The following ZNF285 variants were observed in gnomAD, a reference collection of about 807,000 sequenced individuals.
ZNF285 encodes zinc finger protein 285A.
ZNF285 carries 4 observed loss-of-function variants against 6.2 expected under a neutral mutation model. The ratio of observed to expected loss-of-function variants is 0.65; its 90% confidence interval spans 0.32 to 1.49. The LOEUF (loss-of-function observed/expected upper bound fraction) is 1.49. Ranked by LOEUF, ZNF285 falls within the 40% of genes most tolerant of loss-of-function variation. The pLI is 0.07. For missense variants in ZNF285, 695 were observed against 708.8 expected, an observed-to-expected ratio of 0.98 and a Z score of 0.22; for synonymous variants, 240 against 245.8, an observed-to-expected ratio of 0.98 and a Z score of 0.22.
In ZNF285 at chr19:44,387,365, G is replaced by A. The variant is rs1183075800; in HGVS notation, c.880C>T (p.Pro294Ser). The A allele has an allele frequency of 8.7e-6, 14 of 1,614,028 alleles. No individual in the cohort carries two copies. The highest frequency in any genetic ancestry group is 1.1e-5 in the Non-Finnish European group (13 of 1,180,026). ...GKTPYEFHEW[P>S]MGCKQSSDLP... ...TCTGAGCTCTGTTTGCAGCCCATAG[G>A]CCATTCGTGGAATTCATAGGGAGTC... The change falls in exon 4 of 4, where the codon CCT becomes TCT. Residue 294 changes from proline to serine, a missense_variant. By Grantham distance (74) the Pro-to-Ser change is moderately conservative. Coordinates refer to ENST00000614994, the MANE Select transcript of ZNF285 (RefSeq NM_152354.6).
intron 3 of ZNF285, among the ~76,000 whole-genome samples, chr19:44,391,294 G>A (rs1449350763): frequency 6.6e-6 from 1 of 151,620 alleles, no homozygotes; most frequent in East Asian, 2.0e-4. Context: ...TCTATCTTTT[G>A]TAAATTGCCC....
rs1971112761 is a variant in ZNF285 at position 44,387,597 on chromosome 19, T to C, written c.648A>G (p.Lys216=). The change falls in exon 4 of 4, where the codon AAA becomes AAG. Residue 216 remains lysine (K), a synonymous_variant. Coordinates refer to ENST00000614994, the MANE Select transcript of ZNF285 (RefSeq NM_152354.6). ...HPSCGKNLGM[K]STVEKRNAAH... is the part of the protein sequence containing the mutation. ...CCGCATTACGTTTTTCAACCGTTGATTTCATACCCAAGTTTTTCCCACAGC... is the reference window on the plus strand; with the variant it reads ...CCGCATTACGTTTTTCAACCGTTGACTTCATACCCAAGTTTTTCCCACAGC... The C allele has an allele frequency of 6.2e-7, 1 of 1,613,830 alleles. No individual in the cohort carries two copies. The highest frequency in any genetic ancestry group is 8.5e-7 in the Non-Finnish European group (1 of 1,179,860).
Position 44,387,682 on chromosome 19 carries a change from G to A in ZNF285, c.563C>T (p.Thr188Ile). The A allele has an allele frequency of 6.2e-7, 1 of 1,613,786 alleles. No homozygotes were observed. The highest frequency in any genetic ancestry group is 1.1e-5 in the South Asian group (1 of 91,064). Residue 188 changes from threonine (T) to isoleucine (I), a missense_variant, in exon 4 of 4, where the codon ACC becomes ATC. Transcript: ENST00000614994. Reference sequence around the variant, plus strand: ...TTGGGACTCATGATGATCACATGAGGTCCAACTGAGGCTGTCATCATGCTG... The same window carrying A: ...TTGGGACTCATGATGATCACATGAGATCCAACTGAGGCTGTCATCATGCTG... ...RAQHDDSLSW[T>I]SCDHHESQEC...
Position 44,387,590 on chromosome 19 carries a change from C to T in ZNF285, c.655G>A (p.Val219Ile). 2 of 1,613,890 alleles carry T rather than the reference C, an allele frequency of 1.2e-6. No homozygotes were observed. Among genetic ancestry groups the T allele is most frequent in the Non-Finnish European group, 1.7e-6 (2 of 1,179,832 alleles). ...CGKNLGMKSTVEKRNAAHVLP... is the reference protein window; with the variant it reads ...CGKNLGMKSTIEKRNAAHVLP... ...ACATGGGCCGCATTACGTTTTTCAA[C>T]CGTTGATTTCATACCCAAGTTTTTC... Residue 219 changes from valine (V) to isoleucine (I), a missense_variant, in exon 4 of 4, where the codon GTT (valine) becomes ATT (isoleucine). Coordinates refer to ENST00000614994, the MANE Select transcript of ZNF285 (RefSeq NM_152354.6).
rs1971123579 is a variant in ZNF285 at position 44,387,907 on chromosome 19, C to T, written c.338G>A (p.Gly113Asp). 6.2e-7 allele frequency: 1 copy of T among 1,613,918 alleles called. No homozygotes were observed. The highest frequency in any genetic ancestry group is 8.5e-7 in the Non-Finnish European group (1 of 1,179,890). Residue 113 changes from glycine to aspartate, a missense_variant, in exon 4 of 4, where the codon GGC becomes GAC. Coordinates refer to ENST00000614994, the MANE Select transcript of ZNF285 (RefSeq NM_152354.6). ...EDVSLSEEWA[G>D]ISLQISENEN... ...ATTTTCAGAAATCTGAAGAGAAATGCCTGCCCACTCTTCACTGAGGGAAAC... is the reference window on the plus strand; with the variant it reads ...ATTTTCAGAAATCTGAAGAGAAATGTCTGCCCACTCTTCACTGAGGGAAAC...
At position 44,387,772 on chromosome 19, in the gene ZNF285, T is replaced by C. The variant is rs533729385; in HGVS notation, c.473A>G (p.Glu158Gly). 9.3e-6 allele frequency: 15 copies of C among 1,613,928 alleles called. No individual in the cohort carries two copies. In the Admixed American group the frequency reaches 2.2e-4, roughly 23 times the overall value. ...ATATCTTCCCTGAGAGTTCTGGGGC[T>C]CGGTCATTATGTTGGCTTTCCTCCA... Reference protein sequence around the residue: ...ESWRKANIMTEPQNSQGRYKG... With the variant: ...ESWRKANIMTGPQNSQGRYKG... The change falls in exon 4 of 4, where the codon GAG becomes GGG. Residue 158 changes from glutamate to glycine, a missense_variant. Physicochemically the swap from Glu to Gly is moderately conservative, Grantham distance 98. Coordinates refer to ENST00000614994, the MANE Select transcript of ZNF285 (RefSeq NM_152354.6).
chr19:44,391,638 C>A (rs1321420212), intron 3 of ZNF285, among the ~76,000 whole-genome samples: 1 of 151,894 alleles, frequency 6.6e-6, no homozygotes, highest in African/African-American at 2.4e-5. Context: ...ATGAGAAAGA[C>A]CCCTGCCCCA....
intron 2 of ZNF285, chr19:44,396,881 A>C (rs1971289516): frequency 3.0e-6 from 1 of 334,524 alleles, no homozygotes; most frequent in Non-Finnish European, 5.2e-6. Context: ...CTGCGGCAAC[A>C]CCAAATTTCT....
At chr19:44,396,956 C>T (rs1160005121) in intron 2 of ZNF285, 13 of 551,442 alleles carry the variant, frequency 2.4e-5, no homozygotes, top group Non-Finnish European at 4.3e-5. Context: ...AGTTCATGGA[C>T]TGGTACTGAT....
intron 2 of ZNF285, chr19:44,394,648 T>A: frequency 2.1e-6 from 1 of 483,762 alleles, no homozygotes; most frequent in Non-Finnish European, 3.6e-6. Flanking sequence ...GCTGCATATA[T>A]CGCACTGCTC....
At position 44,387,705 on chromosome 19, in the gene ZNF285, C is replaced by G; in HGVS notation, c.540G>C (p.Gln180His). The change falls in exon 4 of 4, where the codon CAG becomes CAC. Residue 180 changes from glutamine (Q) to histidine (H), a missense_variant. Physicochemically the swap from Gln to His is conservative, Grantham distance 24. Coordinates refer to ENST00000614994, the MANE Select transcript of ZNF285 (RefSeq NM_152354.6). ...YMEEKLYRRA[Q>H]HDDSLSWTSC... is the part of the protein sequence containing the mutation. ...AGGTCCAACTGAGGCTGTCATCATGCTGAGCACGTCTGTACAATTTCTCTT... is the reference window on the plus strand; with the variant it reads ...AGGTCCAACTGAGGCTGTCATCATGGTGAGCACGTCTGTACAATTTCTCTT... 6.2e-7 allele frequency: 1 copy of G among 1,613,858 alleles called. No individual in the cohort carries two copies. Among genetic ancestry groups the G allele is most frequent in the Non-Finnish European group, 8.5e-7 (1 of 1,179,840 alleles).
At position 44,395,935 on chromosome 19, in the gene ZNF285, C is replaced by CGTT. The variant is rs140200386; in HGVS notation, c.15+1263_15+1264insAAC. On this transcript the variant is annotated intron_variant, in intron 2 of 3. Coordinates refer to ENST00000614994, the MANE Select transcript of ZNF285 (RefSeq NM_152354.6). ...CATGGCATTGGCTTTAGGTCCAGGC[C>CGTT]ATAACCATTGAGGACACTGTTACAG... is the stretch of plus-strand genomic sequence containing the variant. 7.9e-5 allele frequency among the ~76,000 whole-genome samples: 12 copies of CGTT among 152,214 alleles called. No homozygotes were observed. In the East Asian group the frequency reaches 2.3e-3, roughly 29 times the overall value.
chr19:44,391,800 G>A (rs903217405), intron 3 of ZNF285, among the ~76,000 whole-genome samples: 3 of 152,026 alleles, frequency 2.0e-5, no homozygotes, highest in African/African-American at 4.8e-5. Context: ...ATGAACCTCT[G>A]AGAAATGAAA....
intron 2 of ZNF285, among the ~76,000 whole-genome samples, chr19:44,395,570 G>A (rs1971267281): frequency 6.6e-6 from 1 of 152,102 alleles, no homozygotes; most frequent in Admixed American, 6.5e-5. Context: ...CTGGGTATTA[G>A]ATAATACCAA....
chr19:44,397,483 T>C (rs982570277), intron 1 of ZNF285, among the ~76,000 whole-genome samples: 18 of 152,154 alleles, frequency 1.2e-4, no homozygotes, highest in Non-Finnish European at 2.1e-4. Flanking sequence ...CTGAAGCTTT[T>C]GGGTCAAAAC....
At chr19:44,389,359 T>C (rs1971153571) in intron 3 of ZNF285, among the ~76,000 whole-genome samples, 1 of 152,122 alleles carries the variant, frequency 6.6e-6, no homozygotes, top group African/African-American at 2.4e-5. Context: ...CTTTCTGCAT[T>C]GTTTTATTGA....
At position 44,387,174 on chromosome 19, in the gene ZNF285, T is replaced by C; in HGVS notation, c.1071A>G (p.Ser357=). Residue 357 remains serine (S), a synonymous_variant, in exon 4 of 4, where the codon TCA becomes TCG. Transcript: ENST00000614994. ...GTACTCCCTGATGAATACAAAGAAG[T>C]GACCTAAATCCAAACCCTTTCCCAC... The part of the protein sequence containing the change: ...DECGKGFGFR[S]LLCIHQGVHT... The C allele has an allele frequency of 6.2e-7, 1 of 1,613,144 alleles. No individual in the cohort carries two copies. Among genetic ancestry groups the C allele is most frequent in the Non-Finnish European group, 8.5e-7 (1 of 1,179,772 alleles).
chr19:44,401,424 C>T (rs1406473454), intron 1 of ZNF285, 144 bp downstream of exon 1: 1 of 152,392 alleles, frequency 6.6e-6, no homozygotes, highest in Non-Finnish European at 1.5e-5. Context: ...CTAGTCTACC[C>T]CACCTACGAG....
intron 3 of ZNF285, among the ~76,000 whole-genome samples, chr19:44,389,224 G>A (rs969464854): frequency 6.6e-6 from 1 of 151,992 alleles, no homozygotes; most frequent in African/African-American, 2.4e-5. Context: ...CAAGACTGTG[G>A]TATATAACAA....
Sources: allele counts gnomAD v4.1 joint callset (sites outside exome capture counted in the v4.1 genomes callset), GRCh38; gene constraint gnomAD v4.1.1; transcripts MANE v1.5; gene names NCBI Gene and HGNC (gene_info 2026-07-23, HGNC 2026-07-21).